The following TMEM132D variants were observed in gnomAD, a reference collection of about 807,000 sequenced individuals.
TMEM132D encodes the protein mature OL transmembrane protein.
TMEM132D carries 21 observed loss-of-function variants against 62.3 expected under a neutral mutation model. The observed-to-expected ratio is 0.34, with a 90% CI of 0.24 to 0.49. TMEM132D has a LOEUF of 0.49. TMEM132D is among the 20% of genes least tolerant of loss of function. TMEM132D has a pLI of 0.99. For missense variants in TMEM132D, 1,346 were observed against 1,402.8 expected, an observed-to-expected ratio of 0.96 and a Z score of 0.65; for synonymous variants, 621 against 575.6, an observed-to-expected ratio of 1.08 and a Z score of -1.13.
intron 3 of TMEM132D, among the ~76,000 whole-genome samples, chr12:129,514,073 T>C (rs1875601209): frequency 6.6e-6 from 1 of 150,990 alleles, no homozygotes; most frequent in Non-Finnish European, 1.5e-5. Context: ...TCCCCTGACC[T>C]TGTGATCCGC....
chr12:129,720,960 G>A (rs1303358235), intron 1 of TMEM132D, among the ~76,000 whole-genome samples: 3 of 152,232 alleles, frequency 2.0e-5, no homozygotes, highest in Non-Finnish European at 2.9e-5. Flanking sequence ...GGAGCTGACA[G>A]CCAGGTCATG....
intron 5 of TMEM132D, among the ~76,000 whole-genome samples, chr12:129,095,346 GTTT>G (rs34044401): frequency 1.9e-5 from 2 of 105,348 alleles, no homozygotes; most frequent in Admixed American, 2.5e-4. Flanking sequence ...ATGCCTGCTG[GTTT>G]TTTTTTTTTT....
At chr12:129,105,398 T>C (rs1192520034) in intron 5 of TMEM132D, among the ~76,000 whole-genome samples, 1 of 60,028 alleles carries the variant, frequency 1.7e-5, no homozygotes. Context: ...CGTTGTGGGG[T>C]GGGGGGAGGG....
chr12:129,623,748 C>CAT (rs72395255), intron 2 of TMEM132D, among the ~76,000 whole-genome samples: 40,302 of 146,768 alleles, frequency 0.27, 5,745 homozygotes, highest in Admixed American at 0.38. Flanking sequence ...TATATATACA[C>CAT]ATATATATAC....
At chr12:129,820,794 G>T (rs1365881362) in intron 1 of TMEM132D, among the ~76,000 whole-genome samples, 1 of 152,046 alleles carries the variant, frequency 6.6e-6, no homozygotes, top group Non-Finnish European at 1.5e-5. Flanking sequence ...TTGCTATGTT[G>T]CCCAGGCTGG....
intron 1 of TMEM132D, among the ~76,000 whole-genome samples, chr12:129,818,208 G>A (rs1248054203): frequency 1.4e-5 from 2 of 142,974 alleles, no homozygotes; most frequent in Non-Finnish European, 3.1e-5. Context: ...GTGTGCCTAT[G>A]AGTGTGTATC....
intron 2 of TMEM132D, among the ~76,000 whole-genome samples, chr12:129,577,557 CT>C (rs1032815420): frequency 2.0e-5 from 3 of 151,448 alleles, no homozygotes; most frequent in Non-Finnish European, 4.4e-5. Context: ...TAAATGTTGA[CT>C]TTTTATATTA....
intron 5 of TMEM132D, among the ~76,000 whole-genome samples, chr12:129,194,056 C>T (rs559174569): frequency 1.3e-5 from 2 of 152,346 alleles, no homozygotes; most frequent in East Asian, 3.9e-4. Context: ...TTGCAATCCT[C>T]ATGGTTTGCT....
Position 129,366,638 on chromosome 12 carries a change from G to A in TMEM132D, c.1116-28821C>T, listed in dbSNP as rs1188493295. 3.3e-5 allele frequency among the ~76,000 whole-genome samples: 5 copies of A among 152,190 alleles called. No homozygotes were observed. In the East Asian group the frequency reaches 9.6e-4, roughly 29 times the overall value. On this transcript the variant is annotated intron_variant, in intron 3 of 8. Coordinates refer to ENST00000422113, the MANE Select transcript of TMEM132D (RefSeq NM_133448.3). The stretch of plus-strand genomic sequence containing the variant: ...GACTAATACGCCGTGTGAGCTCTAG[G>A]ACCAGGCATCGCTGGGATGCTCCTG...
At chr12:129,466,468 C>T (rs1873909267) in intron 3 of TMEM132D, among the ~76,000 whole-genome samples, 1 of 151,984 alleles carries the variant, frequency 6.6e-6, no homozygotes, top group Admixed American at 6.6e-5. Context: ...CACAGGCACG[C>T]ACTACTGTGC....
intron 5 of TMEM132D, among the ~76,000 whole-genome samples, chr12:129,134,186 GTC>G (rs1215500839): frequency 6.6e-6 from 1 of 151,434 alleles, no homozygotes; most frequent in Non-Finnish European, 1.5e-5. Flanking sequence ...GTGTCTGTGT[GTC>G]TGTGTGTGTG....
At chr12:129,659,371 G>C (rs747691223) in intron 2 of TMEM132D, among the ~76,000 whole-genome samples, 3 of 152,148 alleles carry the variant, frequency 2.0e-5, no homozygotes, top group Non-Finnish European at 2.9e-5. Flanking sequence ...CTGGTTGTTC[G>C]ATCAAGCTGC....
rs1197530282 is a variant in TMEM132D at position 129,383,001 on chromosome 12, T to A, written c.1116-45184A>T. Among the ~76,000 whole-genome samples the A allele has an allele frequency of 2.6e-5, 4 of 152,220 alleles. No homozygotes were observed. The East Asian group carries it at 7.7e-4, about 29-fold the overall frequency. On this transcript the variant is annotated intron_variant, in intron 3 of 8. Coordinates refer to ENST00000422113, the MANE Select transcript of TMEM132D (RefSeq NM_133448.3). ...GGAAAAATATTAATGACACACAGGA[T>A]CATTGGGTCGCTAGGCTGCTTCTAG...
At chr12:129,542,405 G>A (rs997064326) in intron 2 of TMEM132D, among the ~76,000 whole-genome samples, 10 of 152,090 alleles carry the variant, frequency 6.6e-5, no homozygotes, top group Admixed American at 2.0e-4. Context: ...AATCAAAAGC[G>A]GAACTATGGT....
chr12:129,412,604 C>T (rs571977690), intron 3 of TMEM132D, among the ~76,000 whole-genome samples: 2 of 152,092 alleles, frequency 1.3e-5, no homozygotes, highest in Non-Finnish European at 2.9e-5. Context: ...CACCTGTAAT[C>T]TCAGCACTTC....
intron 4 of TMEM132D, among the ~76,000 whole-genome samples, chr12:129,220,618 TCTG>T (rs1162530973): frequency 6.6e-6 from 1 of 152,156 alleles, no homozygotes; most frequent in Non-Finnish European, 1.5e-5. Context: ...AAACTCATGT[TCTG>T]CTAAGTCTAT....
chr12:129,562,335 T>C (rs1877259044), intron 2 of TMEM132D, among the ~76,000 whole-genome samples: 1 of 152,158 alleles, frequency 6.6e-6, no homozygotes, highest in African/African-American at 2.4e-5. Flanking sequence ...AAGACCAGAG[T>C]GTTGCTGCAG....
At chr12:129,688,032 G>T (rs1055996332) in intron 2 of TMEM132D, among the ~76,000 whole-genome samples, 1 of 152,114 alleles carries the variant, frequency 6.6e-6, no homozygotes, top group Non-Finnish European at 1.5e-5. Flanking sequence ...GAAGCCATAA[G>T]CCTTGACCAA....
At chr12:129,667,967 T>C (rs1880415791) in intron 2 of TMEM132D, among the ~76,000 whole-genome samples, 1 of 61,208 alleles carries the variant, frequency 1.6e-5, no homozygotes, top group Non-Finnish European at 3.9e-5. Flanking sequence ...TACCCTAAAA[T>C]GTTGTTATCC....
Sources: gnomAD v4.1 joint callset for allele counts (sites outside exome capture counted in the v4.1 genomes callset) on GRCh38, gnomAD v4.1.1 for gene constraint, MANE v1.5 for transcripts, NCBI Gene and HGNC (gene_info 2026-07-23, HGNC 2026-07-21) for gene names.